The following NCOR2 variants were observed in gnomAD, a reference collection of about 807,000 sequenced individuals.
NCOR2 encodes the protein CTG repeat protein 26.
NCOR2 carries 81 observed loss-of-function variants against 262.9 expected under a neutral mutation model. The observed-to-expected ratio is 0.31, with a 90% confidence interval of 0.26 to 0.37. The LOEUF is 0.37. NCOR2 is among the 10% of genes least tolerant of loss of function. The pLI is 1.00. For missense variants in NCOR2, 3,385 were observed against 3,621.4 expected (o/e 0.93, Z 1.68); for synonymous variants, 1,659 against 1,559.3 (o/e 1.06, Z -1.51).
intron 24 of NCOR2, 27 bp from the exon 27 acceptor site, chr12:124,354,966 A>G (rs1208865085): frequency 4.4e-6 from 7 of 1,594,994 alleles, no homozygotes; most frequent in East Asian, 2.2e-5. Context: ...GTGGGGTCAC[A>G]GGGGCACCCT....
chr12:124,417,249 T>TCACTCCACGGACAGCAGGCCGGACACC (rs2042954543), intron 13 of NCOR2, among the ~76,000 whole-genome samples: 2 of 150,262 alleles, frequency 1.3e-5, no homozygotes. Flanking sequence ...GGCCGGACAC[T>TCACTCCACGGACAGCAGGCCGGACACC]CACTCCACGG....
At chr12:124,407,193 C>G (rs2042322493) in intron 13 of NCOR2, among the ~76,000 whole-genome samples, 1 of 152,230 alleles carries the variant, frequency 6.6e-6, no homozygotes, top group African/African-American at 2.4e-5. Flanking sequence ...AAGGGGCACA[C>G]CAGCCACAGA....
rs995186940 is a variant in NCOR2, at chr12:124,486,648, C to T, written c.106-80G>A. ...CACGGCAGGGCACAGTGGGCAAGGC[C>T]GTGGACTCCCTGCTCAGGCTCGCTC... On this transcript the variant is annotated intron_variant, in intron 1 of 46. Transcript: ENST00000405201. The T allele has an allele frequency of 1.6e-5, 23 of 1,467,272 alleles. 1 individual carries two copies. The African/African-American group carries it at 2.0e-4, about 13-fold the overall frequency. The allele number at this position is 1,467,272 out of a possible 1,614,324, so 90.9% of individuals were successfully genotyped here. A position where few individuals can be genotyped will look rare whatever the true frequency, so the allele number is the denominator to read the frequency against.
At chr12:124,554,697 C>T (rs1442723470) in intron 1 of NCOR2, among the ~76,000 whole-genome samples, 1 of 152,254 alleles carries the variant, frequency 6.6e-6, no homozygotes, top group African/African-American at 2.4e-5. Context: ...CTTCCACCTT[C>T]CACGTTCCCA....
chr12:124,392,846 G>T (rs995715582), intron 16 of NCOR2, among the ~76,000 whole-genome samples: 1 of 152,264 alleles, frequency 6.6e-6, no homozygotes, highest in African/African-American at 2.4e-5. Flanking sequence ...CCTCGCTCCT[G>T]TGAGAAGTGG....
chr12:124,373,444 A>G (rs1298788129), intron 19 of NCOR2, among the ~76,000 whole-genome samples: 1 of 105,246 alleles, frequency 9.5e-6, no homozygotes, highest in Non-Finnish European at 2.0e-5. Context: ...CCCCGGGCAC[A>G]GTGGGCAGTG....
At chr12:124,512,880 A>G (rs2049487621) in intron 1 of NCOR2, among the ~76,000 whole-genome samples, 1 of 152,170 alleles carries the variant, frequency 6.6e-6, no homozygotes, top group Admixed American at 6.5e-5. Context: ...ACTGACAGTG[A>G]GTCACCCCCA....
chr12:124,359,895 T>C (rs1327672120), intron 22 of NCOR2, among the ~76,000 whole-genome samples: 1 of 152,228 alleles, frequency 6.6e-6, no homozygotes, highest in African/African-American at 2.4e-5. Context: ...AGTTCATGTG[T>C]GTCCCTGCGG....
intron 3 of NCOR2, among the ~76,000 whole-genome samples, chr12:124,475,425 A>G (rs1374265767): frequency 1.3e-5 from 2 of 152,156 alleles, no homozygotes; most frequent in Admixed American, 6.5e-5. Context: ...CAGAGGCAGA[A>G]ACAGAGCCTG....
rs1178507587 is a variant in NCOR2 at position 124,523,815 on chromosome 12, G to A, written c.-118+11750C>T. ...ACATACTGGGAAACTGAGGCAGAGA[G>A]CAGTGAAGTGACTTGCCCAAGGGGA... is the stretch of plus-strand genomic sequence containing the variant. On this transcript the variant is annotated intron_variant, in intron 1 of 46. Coordinates refer to the NCOR2 transcript ENST00000404621. This position sits in a 1 kb window ranked among gnomAD's most constrained non-coding sequence, Gnocchi z 4.0. 1.3e-5 allele frequency among the ~76,000 whole-genome samples: 2 copies of A among 152,318 alleles called. No individual in the cohort carries two copies. Among genetic ancestry groups the A allele is most frequent in the Admixed American group, 6.5e-5 (1 of 15,296 alleles).
chr12:124,544,235 C>T (rs562514068), intron 1 of NCOR2, among the ~76,000 whole-genome samples: 3 of 152,360 alleles, frequency 2.0e-5, no homozygotes, highest in African/African-American at 4.8e-5. Context: ...ACCTGCCTCA[C>T]AGTATGCTGT....
chr12:124,466,324 AGCGG>A (rs1294880233), intron 4 of NCOR2, 38 bp from the exon 7 acceptor site: 2 of 1,580,664 alleles, frequency 1.3e-6, no homozygotes, highest in South Asian at 2.2e-5. Context: ...TGAGCACCCC[AGCGG>A]GCGGAAGGAG....
At chr12:124,493,837 G>A (rs1297635871) in intron 1 of NCOR2, among the ~76,000 whole-genome samples, 1 of 152,188 alleles carries the variant, frequency 6.6e-6, no homozygotes, top group Admixed American at 6.5e-5. Context: ...ACAGAAGCTT[G>A]GAGCCCCGAT....
At chr12:124,355,568 T>G in exon 24 of NCOR2, 2 of 1,569,208 alleles carry the variant, frequency 1.3e-6, no homozygotes, top group Admixed American at 1.8e-5. Context: ...GGGCAGTGGG[T>G]GACCTGTGGA....
chr12:124,464,614 G>C (rs1164845198), intron 5 of NCOR2, among the ~76,000 whole-genome samples: 1 of 152,236 alleles, frequency 6.6e-6, no homozygotes, highest in African/African-American at 2.4e-5. Flanking sequence ...AAGAAGAAAT[G>C]AGAGCTATGA....
At chr12:124,413,470 T>C (rs1057384895) in intron 13 of NCOR2, among the ~76,000 whole-genome samples, 6 of 152,092 alleles carry the variant, frequency 3.9e-5, no homozygotes, top group Non-Finnish European at 8.8e-5. Flanking sequence ...GGGCACCTCC[T>C]GGGGGGTCTG....
intron 15 of NCOR2, among the ~76,000 whole-genome samples, chr12:124,398,918 C>T (rs546959848): frequency 6.6e-6 from 1 of 152,354 alleles, no homozygotes; most frequent in East Asian, 1.9e-4. Context: ...GAGGTGGCTG[C>T]ATCTCTGCAG....
chr12:124,431,683 T>TACACACACATACAGTCACAGAC (rs2043948655), intron 8 of NCOR2, among the ~76,000 whole-genome samples: 1 of 131,208 alleles, frequency 7.6e-6, no homozygotes, highest in Admixed American at 7.6e-5. Context: ...GACACACAGA[T>TACACACACATACAGTCACAGAC]ACACACACAT....
chr12:124,525,136 C>G (rs1201607260), intron 1 of NCOR2, among the ~76,000 whole-genome samples: 2 of 152,174 alleles, frequency 1.3e-5, no homozygotes, highest in Admixed American at 6.5e-5. Flanking sequence ...CCTCCTGGGG[C>G]CCCCCTGCTC....
Sources: allele counts gnomAD v4.1 joint callset (sites outside exome capture counted in the v4.1 genomes callset), GRCh38; gene constraint gnomAD v4.1.1; non-coding constraint Gnocchi (gnomAD v3.1); transcripts MANE v1.5; gene names NCBI Gene and HGNC (gene_info 2026-07-23, HGNC 2026-07-21).